The following MINDY3 variants were observed in gnomAD, a reference collection of about 807,000 sequenced individuals.
MINDY3 encodes the protein MINDY lysine 48 deubiquitinase 3.
A neutral mutation model predicts 69.2 loss-of-function variants in MINDY3; 38 were observed. The observed-to-expected ratio is 0.55, with a 90% confidence interval of 0.42 to 0.72. The LOEUF is 0.72. MINDY3 is among the 30% of genes least tolerant of loss of function. MINDY3 has a pLI of 0.00. For synonymous variants in MINDY3, 192 were observed against 180.1 expected, an observed-to-expected ratio of 1.07 and a Z score of -0.53; for missense variants, 522 against 519.0, an observed-to-expected ratio of 1.01 and a Z score of -0.06.
At chr10:15,847,694 T>C (rs1040445741) in intron 2 of MINDY3, among the ~76,000 whole-genome samples, 170 bp downstream of exon 2, 3 of 152,242 alleles carry the variant, frequency 2.0e-5, no homozygotes, top group African/African-American at 4.8e-5. Context: ...CTCATCGATA[T>C]GGTGAATTCA....
intron 1 of MINDY3, among the ~76,000 whole-genome samples, chr10:15,850,515 C>T (rs925467771): frequency 2.4e-4 from 37 of 152,064 alleles, no homozygotes; most frequent in Admixed American, 1.4e-3. Flanking sequence ...AATGGCCGCT[C>T]GGGGAGTGTC....
chr10:15,817,040 C>T, intron 9 of MINDY3, 125 bp from the exon 10 acceptor site: 2 of 704,608 alleles, frequency 2.8e-6, no homozygotes, highest in Non-Finnish European at 4.8e-6. Context: ...ATGTATTGTG[C>T]CCGAGCACTT....
intron 2 of MINDY3, among the ~76,000 whole-genome samples, chr10:15,846,322 T>G (rs900428354): frequency 6.6e-6 from 1 of 152,218 alleles, no homozygotes; most frequent in African/African-American, 2.4e-5. Context: ...ACCTTGCTAT[T>G]ACTGACCAAG....
At position 15,842,739 on chromosome 10, in the gene MINDY3, C is replaced by T. The variant is rs140412532; in HGVS notation, c.235+473G>A. 3.9e-5 allele frequency among the ~76,000 whole-genome samples: 6 copies of T among 151,906 alleles called. No individual in the cohort carries two copies. In the East Asian group the frequency reaches 1.2e-3, roughly 29 times the overall value. On this transcript the variant is annotated intron_variant, in intron 3 of 14. Coordinates refer to ENST00000277632, the MANE Select transcript of MINDY3 (RefSeq NM_024948.4). ...TTCTTGTTATTATAAGGTGGCACCA[C>T]ACATCTCTCTGGGTACAGAAGCTCA...
chr10:15,811,616 T>C (rs1462958942), intron 10 of MINDY3, among the ~76,000 whole-genome samples: 5 of 152,266 alleles, frequency 3.3e-5, no homozygotes, highest in African/African-American at 1.2e-4. Context: ...GAAAAATGAA[T>C]AGAACTCAAA....
intron 10 of MINDY3, among the ~76,000 whole-genome samples, chr10:15,816,147 G>A (rs1839340698): frequency 6.6e-6 from 1 of 151,352 alleles, no homozygotes; most frequent in Non-Finnish European, 1.5e-5. Flanking sequence ...TGTAGTCCCA[G>A]CTACTCGGGA....
intron 8 of MINDY3, among the ~76,000 whole-genome samples, chr10:15,831,555 T>C (rs1386310047): frequency 1.3e-5 from 2 of 152,048 alleles, no homozygotes; most frequent in African/African-American, 4.8e-5. Context: ...AAGCACTATT[T>C]CAAGGAACAA....
intron 1 of MINDY3, among the ~76,000 whole-genome samples, chr10:15,854,878 A>G (rs1419238950): frequency 6.6e-6 from 1 of 152,104 alleles, no homozygotes; most frequent in Non-Finnish European, 1.5e-5. Flanking sequence ...ATGTTAAAAC[A>G]ACCAAATTTA....
intron 10 of MINDY3, among the ~76,000 whole-genome samples, chr10:15,806,335 C>T (rs1483495848): frequency 6.6e-6 from 1 of 152,114 alleles, no homozygotes; most frequent in Non-Finnish European, 1.5e-5. Context: ...TTCATGTTTC[C>T]TATGAAAATT....
intron 2 of MINDY3, among the ~76,000 whole-genome samples, chr10:15,844,487 T>C (rs964418120): frequency 6.6e-6 from 1 of 152,220 alleles, no homozygotes; most frequent in Non-Finnish European, 1.5e-5. Flanking sequence ...TTTTCTGTTT[T>C]TCTACAGAAT....
intron 9 of MINDY3, among the ~76,000 whole-genome samples, chr10:15,818,275 C>A (rs1839510424): frequency 1.3e-5 from 2 of 151,532 alleles, no homozygotes; most frequent in Admixed American, 6.6e-5. Flanking sequence ...TAGATATTAA[C>A]CTTTCTTTCA....
At chr10:15,828,542 G>A (rs1274553396) in intron 8 of MINDY3, among the ~76,000 whole-genome samples, 3 of 150,484 alleles carry the variant, frequency 2.0e-5, no homozygotes, top group Non-Finnish European at 4.4e-5. Context: ...TTAAATGGGT[G>A]ACATGCATAC....
At chr10:15,780,430 C>A (rs534991437) in intron 14 of MINDY3, among the ~76,000 whole-genome samples, 1 of 152,324 alleles carries the variant, frequency 6.6e-6, no homozygotes, top group Non-Finnish European at 1.5e-5. Context: ...AAAAGTTATA[C>A]ACAAAGAATA....
chr10:15,810,642 T>C (rs949787995), intron 10 of MINDY3, among the ~76,000 whole-genome samples: 4 of 152,050 alleles, frequency 2.6e-5, no homozygotes, highest in Non-Finnish European at 5.9e-5. Flanking sequence ...GTGTGTTCTA[T>C]AATGTATTTG....
intron 1 of MINDY3, among the ~76,000 whole-genome samples, chr10:15,853,170 T>C (rs1834427965): frequency 6.6e-6 from 1 of 152,114 alleles, no homozygotes; most frequent in Admixed American, 6.5e-5. Flanking sequence ...ATTATTAATT[T>C]TGTAGACTGA....
chr10:15,806,792 C>A (rs1023272105), intron 10 of MINDY3, among the ~76,000 whole-genome samples: 18 of 152,192 alleles, frequency 1.2e-4, no homozygotes, highest in Admixed American at 3.3e-4. Flanking sequence ...TCCCCAAACA[C>A]AGTATTAACT....
chr10:15,851,112 T>G (rs1419258235), intron 1 of MINDY3, among the ~76,000 whole-genome samples: 2 of 152,196 alleles, frequency 1.3e-5, no homozygotes, highest in Non-Finnish European at 2.9e-5. Context: ...CCTGCGAAAC[T>G]TTTGTCCCTT....
At chr10:15,802,211 A>C (rs975855494) in intron 10 of MINDY3, among the ~76,000 whole-genome samples, 2 of 152,068 alleles carry the variant, frequency 1.3e-5, no homozygotes, top group Non-Finnish European at 2.9e-5. Flanking sequence ...CCCAACTCCC[A>C]TGTTACTCAA....
chr10:15,820,946 T>C (rs535363400), intron 9 of MINDY3, among the ~76,000 whole-genome samples: 9 of 152,034 alleles, frequency 5.9e-5, no homozygotes, highest in Non-Finnish European at 1.2e-4. Context: ...CCTGTCTCTA[T>C]TTAAAAAAAT....
Sources: allele counts gnomAD v4.1 joint callset (sites outside exome capture counted in the v4.1 genomes callset), GRCh38; gene constraint gnomAD v4.1.1; transcripts MANE v1.5; gene names NCBI Gene and HGNC (gene_info 2026-07-23, HGNC 2026-07-21).